TRPV1: variants seen among roughly 807,000 people sequenced by gnomAD.
TRPV1 encodes OTRPC1.
TRPV1 carries 82 observed loss-of-function variants against 82.3 expected under a neutral mutation model. The observed-to-expected ratio is 1.00, with a 90% confidence interval of 0.83 to 1.20. The LOEUF (loss-of-function observed/expected upper bound fraction) is 1.20. Among genes scored for constraint, TRPV1 ranks in the 50% most tolerant of loss-of-function variants. The pLI, the probability that TRPV1 is intolerant of heterozygous loss-of-function variation, is 0.00. For synonymous variants in TRPV1, 515 were observed against 467.7 expected (o/e 1.10, Z -1.30); for missense variants, 1,067 against 1,096.8 (o/e 0.97, Z 0.38).
intron 10 of TRPV1, among the ~76,000 whole-genome samples, chr17:3,582,198 A>AAAAAAAAAAAAAAAAAAAC (rs2075029619): frequency 7.0e-6 from 1 of 142,868 alleles, no homozygotes; most frequent in Non-Finnish European, 1.5e-5. Context: ...TCAAAAAAAA[A>AAAAAAAAAAAAAAAAAAAC]AAAAAAAAAA....
intron 5 of TRPV1, 119 bp downstream of exon 5, chr17:3,590,845 G>A (rs925389504): frequency 1.8e-5 from 24 of 1,340,236 alleles, no homozygotes; most frequent in Non-Finnish European, 2.3e-5. Flanking sequence ...AGCCACCAAC[G>A]CAGTGGCTGG....
intron 2 of TRPV1, among the ~76,000 whole-genome samples, chr17:3,605,326 T>G (rs1408320894): frequency 6.6e-6 from 1 of 151,908 alleles, no homozygotes; most frequent in Non-Finnish European, 1.5e-5. Flanking sequence ...CTAGGCAACA[T>G]GGCAAAACCC....
At position 3,580,442 on chromosome 17, in the gene TRPV1, C is replaced by A; in HGVS notation, c.1547+15G>T. ...CCTGGGGACTGGACTGGGAATGAGT[C>A]AAAGTGTCACTTACAAAAGCATCTC... On this transcript the variant is annotated intron_variant, in intron 11 of 16. Coordinates refer to ENST00000572705, the MANE Select transcript of TRPV1 (RefSeq NM_080704.4). 6.2e-7 allele frequency: 1 copy of A among 1,613,502 alleles called. No homozygotes were observed. Among genetic ancestry groups the A allele is most frequent in the South Asian group, 1.1e-5 (1 of 91,064 alleles).
Position 3,591,341 on chromosome 17 carries a change from C to T in TRPV1, c.297G>A (p.Gln99=). 1.3e-6 allele frequency: 2 copies of T among 1,582,492 alleles called. No homozygotes were observed. The highest frequency in any genetic ancestry group is 1.7e-6 in the Non-Finnish European group (2 of 1,165,890). ...DGPTGARLLS[Q]DSVAASTEKT... The stretch of plus-strand genomic sequence containing the variant: ...TCTCGGTGCTGGCGGCGACAGAGTC[C>T]TGGGACAGCAGCCTGTGGGCCAGAA... The change falls in exon 4 of 17, where the codon CAG becomes CAA. Residue 99 remains glutamine (Q), a synonymous_variant. Coordinates refer to ENST00000572705, the MANE Select transcript of TRPV1 (RefSeq NM_080704.4).
chr17:3,572,276 A>AGCTGAGGG (rs1204547112), intron 14 of TRPV1, 27 bp from the exon 15 acceptor site: 1 of 1,588,280 alleles, frequency 6.3e-7, no homozygotes, highest in Admixed American at 1.8e-5. Flanking sequence ...AGGGCAGAGG[A>AGCTGAGGG]GCTGAGGGGC....
intron 3 of TRPV1, 102 bp from the exon 4 acceptor site, chr17:3,591,455 A>G (rs572246905): frequency 1.5e-6 from 2 of 1,348,876 alleles, no homozygotes; most frequent in Admixed American, 2.5e-5. Context: ...AAGGCAAACC[A>G]AAAAGGGGAA....
At chr17:3,595,826 C>G (rs200286846) in intron 2 of TRPV1, 1 of 152,228 alleles carries the variant, frequency 6.6e-6, no homozygotes, top group Non-Finnish European at 1.5e-5. Context: ...ATACTGCACA[C>G]TCTGCACCTG....
intron 8 of TRPV1, among the ~76,000 whole-genome samples, 177 bp downstream of exon 8, chr17:3,588,011 G>C (rs1308291272): frequency 6.6e-6 from 1 of 152,202 alleles, no homozygotes; most frequent in Non-Finnish European, 1.5e-5. Context: ...ACGTATGGTT[G>C]CTATGCTTAG....
rs928293609 is a variant in TRPV1, at chr17:3,589,705, C to T, written c.1044+102G>A. The T allele has an allele frequency of 3.6e-6, 5 of 1,375,530 alleles. No homozygotes were observed. The Admixed American group carries it at 6.9e-5, about 19-fold the overall frequency. The allele number at this position is 1,375,530 out of a possible 1,614,324, so 85.2% of individuals were successfully genotyped here. ...CTGGTATGACAGAATCAGAGTCCCG[C>T]ACACACAGATAGCGACGCCAGGCTC... is the stretch of plus-strand genomic sequence containing the variant. On this transcript the variant is annotated intron_variant, in intron 7 of 16. Transcript: ENST00000572705.
At chr17:3,589,461 C>A (rs1256999105) in intron 7 of TRPV1, among the ~76,000 whole-genome samples, 9 of 152,158 alleles carry the variant, frequency 5.9e-5, no homozygotes, top group Non-Finnish European at 1.2e-4. Context: ...GTCGGCCTCC[C>A]AAAATGCTGG....
intron 2 of TRPV1, among the ~76,000 whole-genome samples, chr17:3,603,936 C>T (rs1054897679): frequency 2.0e-5 from 3 of 152,166 alleles, no homozygotes; most frequent in African/African-American, 4.8e-5. Flanking sequence ...GTGGTCTCTG[C>T]GCTCAAGAAG....
intron 8 of TRPV1, among the ~76,000 whole-genome samples, chr17:3,586,639 T>C (rs2075088654): frequency 6.6e-6 from 1 of 152,014 alleles, no homozygotes; most frequent in African/African-American, 2.4e-5. Context: ...GGCATGGTGG[T>C]GGGTGCCTGT....
chr17:3,607,725 C>A (rs577907553), intron 2 of TRPV1, among the ~76,000 whole-genome samples: 2 of 151,454 alleles, frequency 1.3e-5, no homozygotes, highest in Non-Finnish European at 2.9e-5. Flanking sequence ...CTAGTAGAGA[C>A]GAGTTTTCAC....
chr17:3,590,217 C>T, intron 6 of TRPV1, 35 bp downstream of exon 6: 1 of 1,607,012 alleles, frequency 6.2e-7, no homozygotes. Flanking sequence ...TAGCAAAAGC[C>T]AAAAAGATCA....
At chr17:3,589,108 G>T in intron 7 of TRPV1, 1 of 736,140 alleles carries the variant, frequency 1.4e-6, no homozygotes, top group Non-Finnish European at 2.3e-6. Flanking sequence ...GGAGCCACCA[G>T]CTGGAGCTGG....
chr17:3,595,416 C>G (rs1264322776), intron 2 of TRPV1, among the ~76,000 whole-genome samples: 1 of 152,086 alleles, frequency 6.6e-6, no homozygotes, highest in Non-Finnish European at 1.5e-5. Context: ...CAGTTCAACT[C>G]AGACCCAGAC....
chr17:3,589,679 G>A, intron 7 of TRPV1, 128 bp downstream of exon 7: 1 of 1,155,514 alleles, frequency 8.7e-7, no homozygotes. Context: ...AGCCCTACAG[G>A]CTGGTATGAC....
intron 11 of TRPV1, 73 bp from the exon 12 acceptor site, chr17:3,577,836 C>T (rs1597521316): frequency 6.9e-7 from 1 of 1,451,574 alleles, no homozygotes; most frequent in African/African-American, 1.4e-5. Flanking sequence ...CAAAAGGTCA[C>T]AGGCCGCTCA....
chr17:3,589,209 CTTT>C (rs11400955), intron 7 of TRPV1, among the ~76,000 whole-genome samples: 2 of 137,630 alleles, frequency 1.5e-5, no homozygotes, highest in Non-Finnish European at 3.1e-5. Context: ...TTTCTTTTTC[CTTT>C]TTTTTTTTTT....
Sources: allele counts gnomAD v4.1 joint callset (sites outside exome capture counted in the v4.1 genomes callset), GRCh38; gene constraint gnomAD v4.1.1; transcripts MANE v1.5; gene names NCBI Gene and HGNC (gene_info 2026-07-23, HGNC 2026-07-21).